Variants in UBR1 observed in about 807,000 individuals in gnomAD.
The protein encoded by UBR1 is E3 ubiquitin-protein ligase UBR1.
A neutral mutation model predicts 242.1 loss-of-function variants in UBR1; 102 were observed. That is an observed-to-expected ratio of 0.42 (90% CI 0.36 to 0.50). UBR1 has a LOEUF of 0.50. Ranked by LOEUF, UBR1 falls within the 20% of genes least tolerant of loss-of-function variation. UBR1 has a pLI of 0.01. For missense variants in UBR1, 1,772 were observed against 2,101.8 expected, an observed-to-expected ratio of 0.84 and a Z score of 3.07; for synonymous variants, 675 against 684.8, an observed-to-expected ratio of 0.99 and a Z score of 0.22.
At position 43,006,935 on chromosome 15, in the gene UBR1, T is replaced by G. The variant is rs571000749; in HGVS notation, c.3415+144A>C. 465 of 788,256 alleles carry G rather than the reference T, an allele frequency of 5.9e-4. 2 individuals carry two copies. In the African/African-American group the frequency reaches 7.4e-3, roughly 13 times the overall value. 48.8% of individuals were successfully genotyped at this position (788,256 alleles called of 1,614,324 possible). Reference sequence around the variant, plus strand: ...TTGATTTTATATTAGATAATATTCCTGGATTATTATTACTTTCTTAAATAT... The same window carrying G: ...TTGATTTTATATTAGATAATATTCCGGGATTATTATTACTTTCTTAAATAT... On this transcript the variant is annotated intron_variant, in intron 30 of 46. Transcript: ENST00000290650.
intron 14 of UBR1, among the ~76,000 whole-genome samples, chr15:43,044,896 A>G (rs1389736933): frequency 6.6e-6 from 1 of 152,136 alleles, no homozygotes; most frequent in East Asian, 1.9e-4. Flanking sequence ...CTCCATCTCA[A>G]AGGAAAAAAA....
intron 19 of UBR1, among the ~76,000 whole-genome samples, chr15:43,033,243 T>C (rs2033280829): frequency 6.6e-6 from 1 of 152,150 alleles, no homozygotes; most frequent in Admixed American, 6.6e-5. Flanking sequence ...CCAGGTATGG[T>C]GGCTCACACC....
chr15:43,079,783 A>AAAATAAAT (rs562573202), intron 3 of UBR1, among the ~76,000 whole-genome samples: 6 of 152,130 alleles, frequency 3.9e-5, no homozygotes, highest in African/African-American at 1.2e-4. Flanking sequence ...CTCCGTCTCA[A>AAAATAAAT]AAATAAATAA....
rs2033035581 is a variant in UBR1, at chr15:43,017,079, T to C, written c.3027+16A>G. ...ATGAATGTCACCATTACTACAGTGTTATTACAGTGTCATACCTCATCATTC... is the reference window on the plus strand; with the variant it reads ...ATGAATGTCACCATTACTACAGTGTCATTACAGTGTCATACCTCATCATTC... On this transcript the variant is annotated intron_variant, in intron 28 of 46. Transcript: ENST00000290650. 6.3e-7 allele frequency: 1 copy of C among 1,589,166 alleles called. No homozygotes were observed. Among genetic ancestry groups the C allele is most frequent in the Non-Finnish European group, 8.6e-7 (1 of 1,157,770 alleles).
At chr15:43,021,402 C>A in intron 26 of UBR1, 27 bp from the exon 27 acceptor site, 1 of 1,600,642 alleles carries the variant, frequency 6.2e-7, no homozygotes, top group Non-Finnish European at 8.6e-7. Context: ...AATCACACAT[C>A]ATAAATACAT....
chr15:43,034,279 A>AATAAATAG (rs773623287), intron 19 of UBR1, among the ~76,000 whole-genome samples: 4 of 104,214 alleles, frequency 3.8e-5, no homozygotes, highest in African/African-American at 2.1e-4. Context: ...TAAATAAATA[A>AATAAATAG]ATAGATAAAT....
chr15:43,038,015 C>A lies in UBR1; in HGVS notation c.1912-132G>T, dbSNP rs1427095679. The A allele has an allele frequency of 6.7e-6, 8 of 1,198,594 alleles. No homozygotes were observed. In the Admixed American group the frequency reaches 1.2e-4, roughly 18 times the overall value. The allele number at this position is 1,198,594 out of a possible 1,614,324, so 74.2% of individuals were successfully genotyped here. On this transcript the variant is annotated intron_variant, in intron 16 of 46. Coordinates refer to ENST00000290650, the MANE Select transcript of UBR1 (RefSeq NM_174916.3). ...CTTGAACTAGATGACGTCTAAGTCC[C>A]TGTGACTCAGATTACAATGTACTAT...
intron 42 of UBR1, among the ~76,000 whole-genome samples, chr15:42,961,535 T>C (rs934724089): frequency 1.3e-4 from 19 of 151,764 alleles, no homozygotes; most frequent in African/African-American, 4.1e-4. Context: ...GTGATTCTGA[T>C]GCCTCAGCTC....
At chr15:43,022,384 T>C (rs950550172) in intron 26 of UBR1, among the ~76,000 whole-genome samples, 9 of 151,052 alleles carry the variant, frequency 6.0e-5, no homozygotes, top group Non-Finnish European at 1.3e-4. Context: ...AGCAAATATT[T>C]GATAATACTG....
intron 8 of UBR1, 33 bp from the exon 9 acceptor site, chr15:43,059,225 C>T (rs1416399581): frequency 1.3e-6 from 2 of 1,576,068 alleles, no homozygotes; most frequent in Non-Finnish European, 1.7e-6. Context: ...AGTTACACAA[C>T]TTGTATTCTT....
At chr15:43,025,317 G>T in intron 24 of UBR1, 64 bp downstream of exon 24, 1 of 1,484,514 alleles carries the variant, frequency 6.7e-7, no homozygotes, top group Non-Finnish European at 9.3e-7. Context: ...AAAACTATAT[G>T]CTTTGCTGAT....
At chr15:43,029,565 A>G (rs1175060858) in intron 21 of UBR1, among the ~76,000 whole-genome samples, 1 of 152,178 alleles carries the variant, frequency 6.6e-6, no homozygotes, top group African/African-American at 2.4e-5. Context: ...TGGGAATCAG[A>G]TTGGCATCAG....
At chr15:42,962,785 T>C (rs1384064387) in intron 42 of UBR1, among the ~76,000 whole-genome samples, 1 of 152,126 alleles carries the variant, frequency 6.6e-6, no homozygotes, top group Non-Finnish European at 1.5e-5. Context: ...CCACCACGCC[T>C]GGCCAACACT....
intron 1 of UBR1, among the ~76,000 whole-genome samples, chr15:43,098,758 T>TA (rs1021931648): frequency 2.0e-5 from 3 of 152,094 alleles, no homozygotes; most frequent in African/African-American, 4.8e-5. Flanking sequence ...AATCTGGCAT[T>TA]AAAAAATCAA....
At chr15:43,016,998 T>C (rs2033034324) in intron 28 of UBR1, 97 bp downstream of exon 28, 3 of 864,598 alleles carry the variant, frequency 3.5e-6, no homozygotes, top group South Asian at 1.4e-5. Flanking sequence ...AATCAACAGG[T>C]TTCTCCTAAC....
At chr15:42,962,400 T>C (rs1194855449) in intron 42 of UBR1, among the ~76,000 whole-genome samples, 1 of 152,108 alleles carries the variant, frequency 6.6e-6, no homozygotes, top group Non-Finnish European at 1.5e-5. Context: ...ACAGCAGGCT[T>C]GTCTGGTGGG....
intron 12 of UBR1, among the ~76,000 whole-genome samples, chr15:43,049,488 A>G (rs575763656): frequency 1.2e-4 from 19 of 152,262 alleles, no homozygotes; most frequent in Admixed American, 3.3e-4. Flanking sequence ...GCGTGAACCC[A>G]GGAGGCAGAG....
Position 43,016,691 on chromosome 15 carries a change from C to T in UBR1, c.3027+404G>A, listed in dbSNP as rs1281256896. Among the ~76,000 whole-genome samples the T allele has an allele frequency of 2.0e-5, 3 of 152,134 alleles. No individual in the cohort carries two copies. The East Asian group carries it at 5.8e-4, about 29-fold the overall frequency. ...TCCTGGGTTCAAGTGATTTTCGTGC[C>T]TCAGCCTCCCGAGTAGCTGGGACTA... On this transcript the variant is annotated intron_variant, in intron 28 of 46. Transcript: ENST00000290650.
At chr15:43,042,060 T>A (rs367841682) in intron 15 of UBR1, among the ~76,000 whole-genome samples, 1 of 152,010 alleles carries the variant, frequency 6.6e-6, no homozygotes, top group East Asian at 1.9e-4. Context: ...GTAGAGAAAA[T>A]GGAATCCTAG....
Sources: gnomAD v4.1 joint callset for allele counts (sites outside exome capture counted in the v4.1 genomes callset) on GRCh38, gnomAD v4.1.1 for gene constraint, MANE v1.5 for transcripts, NCBI Gene and HGNC (gene_info 2026-07-23, HGNC 2026-07-21) for gene names.